Variants in CA10 observed in about 807,000 individuals in gnomAD.
CA10 encodes carbonic anhydrase-related protein 10.
CA10 carries 14 observed loss-of-function variants against 44.2 expected under a neutral mutation model. That is an observed-to-expected ratio of 0.32 (90% confidence interval 0.21 to 0.50). The LOEUF (loss-of-function observed/expected upper bound fraction) is 0.50, where lower values mean the gene tolerates loss of function less well. Ranked by LOEUF, CA10 falls within the 20% of genes least tolerant of loss-of-function variation. The pLI is 0.99. For synonymous variants in CA10, 159 were observed against 141.6 expected (o/e 1.12, Z -0.87); for missense variants, 350 against 409.7 (o/e 0.85, Z 1.26).
chr17:51,857,220 G>A (rs949118466), intron 3 of CA10, among the ~76,000 whole-genome samples: 2 of 152,118 alleles, frequency 1.3e-5, no homozygotes, highest in African/African-American at 4.8e-5. Context: ...CAATTGTGAT[G>A]TCCTTGCCAA....
intron 1 of CA10, among the ~76,000 whole-genome samples, chr17:52,079,138 T>C (rs1255445444): frequency 6.6e-6 from 1 of 152,030 alleles, no homozygotes; most frequent in African/African-American, 2.4e-5. Flanking sequence ...TATAAAAAAT[T>C]AGCCGGGCGC....
At chr17:51,895,783 C>A (rs1175957043) in intron 3 of CA10, among the ~76,000 whole-genome samples, 1 of 151,996 alleles carries the variant, frequency 6.6e-6, no homozygotes, top group Non-Finnish European at 1.5e-5. Context: ...TTGTTGTAGA[C>A]ACTGCTTTAT....
intron 2 of CA10, among the ~76,000 whole-genome samples, chr17:52,052,500 ATGT>A (rs1447146581): frequency 6.6e-6 from 1 of 151,946 alleles, no homozygotes; most frequent in African/African-American, 2.4e-5. Flanking sequence ...TGCTTCCCAC[ATGT>A]TATTACAGAA....
chr17:51,728,820 G>C (rs1233662942), intron 4 of CA10, among the ~76,000 whole-genome samples: 1 of 152,186 alleles, frequency 6.6e-6, no homozygotes, highest in Admixed American at 6.5e-5. Flanking sequence ...TTGCTTTTAA[G>C]TAAAAGGAGA....
chr17:51,977,937 A>G (rs1984517591), intron 2 of CA10, among the ~76,000 whole-genome samples: 1 of 152,136 alleles, frequency 6.6e-6, no homozygotes, highest in Non-Finnish European at 1.5e-5. Context: ...TATTCAAATC[A>G]TAAAACTTTT....
intron 2 of CA10, among the ~76,000 whole-genome samples, chr17:51,946,843 C>T (rs1040724522): frequency 6.6e-6 from 1 of 152,000 alleles, no homozygotes; most frequent in Admixed American, 6.6e-5. Context: ...ATGAAATATA[C>T]GTTGTTTGAT....
intron 3 of CA10, among the ~76,000 whole-genome samples, chr17:51,779,483 T>C (rs1024399099): frequency 1.1e-4 from 16 of 152,176 alleles, no homozygotes; most frequent in Middle Eastern, 3.2e-3. Flanking sequence ...TATGCAGGTG[T>C]GCAAATGAGC....
chr17:51,717,501 G>A (rs1468117), intron 4 of CA10, among the ~76,000 whole-genome samples: 87,208 of 132,716 alleles, frequency 0.66, 29,137 homozygotes, highest in East Asian at 0.73. Flanking sequence ...CCAAATGCCC[G>A]TCAATCAACA....
intron 3 of CA10, among the ~76,000 whole-genome samples, chr17:51,881,141 G>A (rs1048769904): frequency 2.7e-5 from 4 of 150,860 alleles, no homozygotes; most frequent in Non-Finnish European, 5.9e-5. Flanking sequence ...TCGGGAGGCT[G>A]AGGCAGAAGA....
chr17:51,925,933 A>T (rs1248470451), intron 3 of CA10, among the ~76,000 whole-genome samples: 1 of 152,086 alleles, frequency 6.6e-6, no homozygotes, highest in Admixed American at 6.6e-5. Context: ...CCAGGGGCTG[A>T]GGGGGATGGA....
At chr17:52,034,754 G>A (rs74703171) in intron 2 of CA10, among the ~76,000 whole-genome samples, 1 of 152,262 alleles carries the variant, frequency 6.6e-6, no homozygotes, top group Non-Finnish European at 1.5e-5. Context: ...AAATGAGTTA[G>A]TGTTTGAAAG....
chr17:51,737,806 T>A (rs1466683413), intron 4 of CA10, among the ~76,000 whole-genome samples: 3 of 152,130 alleles, frequency 2.0e-5, no homozygotes, highest in African/African-American at 7.2e-5. Flanking sequence ...GCTCTTGGAG[T>A]GTGCCTCTCA....
intron 3 of CA10, among the ~76,000 whole-genome samples, chr17:51,859,772 G>T (rs1318499348): frequency 6.6e-6 from 1 of 152,180 alleles, no homozygotes; most frequent in Non-Finnish European, 1.5e-5. Flanking sequence ...GCATTGTAAA[G>T]TATAAAGAGC....
At chr17:51,968,864 T>C (rs1031012259) in intron 2 of CA10, among the ~76,000 whole-genome samples, 4 of 152,002 alleles carry the variant, frequency 2.6e-5, no homozygotes, top group African/African-American at 9.6e-5. Context: ...TTTAAATATT[T>C]ACCTTGAAAA....
intron 2 of CA10, among the ~76,000 whole-genome samples, chr17:51,938,110 A>T (rs892243690): frequency 6.6e-6 from 1 of 152,164 alleles, no homozygotes; most frequent in South Asian, 2.1e-4. Flanking sequence ...CCACAGAACC[A>T]TCAGAAGGTG....
intron 3 of CA10, among the ~76,000 whole-genome samples, chr17:51,836,371 A>C (rs1012548838): frequency 1.3e-5 from 2 of 152,228 alleles, no homozygotes; most frequent in African/African-American, 4.8e-5. Flanking sequence ...GAGGTGCTCT[A>C]TGTAAAAGCA....
At chr17:51,825,056 G>A (rs2143771525) in intron 3 of CA10, among the ~76,000 whole-genome samples, 1 of 152,320 alleles carries the variant, frequency 6.6e-6, no homozygotes, top group South Asian at 2.1e-4. Flanking sequence ...AAATGAAAGA[G>A]CTGAATCTAG....
At chr17:52,095,112 C>T (rs1211903436) in intron 1 of CA10, among the ~76,000 whole-genome samples, 2 of 152,152 alleles carry the variant, frequency 1.3e-5, no homozygotes, top group Non-Finnish European at 2.9e-5. Flanking sequence ...TTTGTACATT[C>T]ATACAATGGC....
intron 4 of CA10, among the ~76,000 whole-genome samples, chr17:51,728,568 T>C (rs1334891056): frequency 1.3e-5 from 2 of 152,182 alleles, no homozygotes; most frequent in Non-Finnish European, 2.9e-5. Context: ...GATGCTCTCT[T>C]ACAATTATTC....
Sources: allele counts gnomAD v4.1 joint callset (sites outside exome capture counted in the v4.1 genomes callset), GRCh38; gene constraint gnomAD v4.1.1; transcripts MANE v1.5; gene names NCBI Gene and HGNC (gene_info 2026-07-23, HGNC 2026-07-21).